GRID2: variants seen among roughly 807,000 people sequenced by gnomAD.
The protein encoded by GRID2 is glutamate ionotropic receptor delta type subunit 2.
A neutral mutation model predicts 114.8 loss-of-function variants in GRID2; 33 were observed. That is an observed-to-expected ratio of 0.29 (90% CI 0.22 to 0.38). The LOEUF (loss-of-function observed/expected upper bound fraction) is 0.38, where lower values mean the gene tolerates loss of function less well. Among genes scored for constraint, GRID2 ranks in the 10% least tolerant of loss-of-function variants. The pLI, the probability that GRID2 is intolerant of heterozygous loss-of-function variation, is 1.00. For synonymous variants in GRID2, 505 were observed against 449.9 expected (o/e 1.12, Z -1.55); for missense variants, 1,184 against 1,257.7 (o/e 0.94, Z 0.89).
At chr4:92,965,071 G>A (rs778152324) in intron 2 of GRID2, among the ~76,000 whole-genome samples, 33 of 151,868 alleles carry the variant, frequency 2.2e-4, no homozygotes, top group Non-Finnish European at 3.8e-4. Flanking sequence ...TGAGAGAGGT[G>A]GGACGCTTCC....
chr4:92,516,169 T>G (rs1394680299), intron 1 of GRID2, among the ~76,000 whole-genome samples: 2 of 151,932 alleles, frequency 1.3e-5, no homozygotes, highest in African/African-American at 4.8e-5. Flanking sequence ...TCAACTCAAC[T>G]AGCCCTAAAG....
At chr4:92,732,692 A>G (rs955265482) in intron 2 of GRID2, among the ~76,000 whole-genome samples, 3 of 152,104 alleles carry the variant, frequency 2.0e-5, no homozygotes, top group African/African-American at 7.2e-5. Flanking sequence ...TAGAATTAAC[A>G]TAGACATAGT....
At chr4:93,041,963 C>A (rs529982760) in intron 2 of GRID2, among the ~76,000 whole-genome samples, 2 of 151,988 alleles carry the variant, frequency 1.3e-5, no homozygotes, top group African/African-American at 4.8e-5. Flanking sequence ...AGTGCAATGG[C>A]GTGGTCTCGA....
In GRID2 at chr4:92,896,897, G is replaced by C. The variant is rs1205348894; in HGVS notation, c.245-188098G>C. ...AGCTGGGATTACAGGTATGTGCGAC[G>C]ACGCCCGGCTAATTTTGTATTTTTA... On this transcript the variant is annotated intron_variant, in intron 2 of 15. Transcript: ENST00000282020. 2.6e-5 allele frequency among the ~76,000 whole-genome samples: 4 copies of C among 152,068 alleles called. No homozygotes were observed. The South Asian group carries it at 8.3e-4, about 31-fold the overall frequency.
intron 1 of GRID2, among the ~76,000 whole-genome samples, chr4:93,785,848 G>C (rs1262989711): frequency 6.6e-6 from 1 of 152,156 alleles, no homozygotes; most frequent in Non-Finnish European, 1.5e-5. Context: ...AGGAAGGAAA[G>C]AGGTGGAAAG....
intron 8 of GRID2, among the ~76,000 whole-genome samples, chr4:93,278,066 T>G (rs1752247676): frequency 6.6e-6 from 1 of 151,910 alleles, no homozygotes; most frequent in Admixed American, 6.6e-5. Context: ...CAGATAAATT[T>G]GACTGGATTA....
intron 2 of GRID2, among the ~76,000 whole-genome samples, chr4:92,680,519 AG>A (rs1485812259): frequency 6.6e-6 from 1 of 152,164 alleles, no homozygotes; most frequent in East Asian, 1.9e-4. Context: ...AGTAAAAGAA[AG>A]GGGGTAATTT....
chr4:92,947,586 TA>T, intron 2 of GRID2, among the ~76,000 whole-genome samples: 1 of 152,102 alleles, frequency 6.6e-6, no homozygotes, highest in East Asian at 1.9e-4. Flanking sequence ...CTTTAACTTT[TA>T]AGAAATGTTA....
intron 2 of GRID2, among the ~76,000 whole-genome samples, chr4:92,924,480 A>T (rs1408400358): frequency 6.6e-6 from 1 of 152,066 alleles, no homozygotes; most frequent in Non-Finnish European, 1.5e-5. Context: ...AATCGTCACC[A>T]TTTCTGAAAT....
chr4:92,447,818 C>T (rs1450159686), intron 1 of GRID2, among the ~76,000 whole-genome samples: 1 of 152,144 alleles, frequency 6.6e-6, no homozygotes. Context: ...GTGATGAGGG[C>T]TCTGCCCTTG....
intron 1 of GRID2, among the ~76,000 whole-genome samples, chr4:92,305,522 TGCCTC>T (rs542945235): frequency 3.9e-5 from 6 of 152,076 alleles, no homozygotes; most frequent in South Asian, 4.1e-4. Context: ...ATATCCGCCT[TGCCTC>T]GCCTCGCCTC....
chr4:92,658,348 C>T (rs573854684), intron 2 of GRID2, among the ~76,000 whole-genome samples: 1 of 151,610 alleles, frequency 6.6e-6, no homozygotes, highest in South Asian at 2.1e-4. Context: ...AATGTGAATC[C>T]ACAGTATATA....
chr4:93,129,436 C>A (rs1436926494), intron 4 of GRID2, among the ~76,000 whole-genome samples: 3 of 152,188 alleles, frequency 2.0e-5, no homozygotes, highest in African/African-American at 7.2e-5. Context: ...TCTAGCATTT[C>A]TTTTCCCCTT....
rs182920071 is a variant in GRID2 at position 93,473,286 on chromosome 4, A to C, written c.1858+17312A>C. Among the ~76,000 whole-genome samples, 107 of 152,290 alleles carry C rather than the reference A, an allele frequency of 7.0e-4. 1 individual carries two copies. The East Asian group carries it at 0.019, about 27-fold the overall frequency. On this transcript the variant is annotated intron_variant, in intron 11 of 15. Transcript: ENST00000282020. ...TCTGAAGAAATTATCCTAGATATGC[A>C]GCTTCTGAGTTAAATGATATGTATG...
intron 13 of GRID2, among the ~76,000 whole-genome samples, chr4:93,607,993 C>T (rs1740439958): frequency 6.6e-6 from 1 of 151,088 alleles, no homozygotes; most frequent in Non-Finnish European, 1.5e-5. Context: ...TGTTTTTTCT[C>T]ATACAAAGCT....
intron 13 of GRID2, among the ~76,000 whole-genome samples, chr4:93,527,715 G>A (rs541058386): frequency 1.1e-4 from 17 of 152,028 alleles, no homozygotes; most frequent in African/African-American, 4.1e-4. Flanking sequence ...TAAAATACAT[G>A]TAACATAAAA....
intron 8 of GRID2, among the ~76,000 whole-genome samples, chr4:93,279,708 T>C (rs1752453670): frequency 6.6e-6 from 1 of 151,974 alleles, no homozygotes; most frequent in Admixed American, 6.6e-5. Context: ...ACTTTTTTTA[T>C]ATATCTTCAG....
chr4:93,377,954 A>T (rs1193927998), intron 8 of GRID2, among the ~76,000 whole-genome samples: 1 of 152,192 alleles, frequency 6.6e-6, no homozygotes, highest in South Asian at 2.1e-4. Flanking sequence ...TCTATATTTT[A>T]TAATTTCAAC....
chr4:93,014,635 A>G (rs1722502455), intron 2 of GRID2, among the ~76,000 whole-genome samples: 1 of 152,170 alleles, frequency 6.6e-6, no homozygotes, highest in Non-Finnish European at 1.5e-5. Flanking sequence ...TAATTTATGT[A>G]GTGGCCAATA....
Sources: gnomAD v4.1 joint callset for allele counts (sites outside exome capture counted in the v4.1 genomes callset) on GRCh38, gnomAD v4.1.1 for gene constraint, MANE v1.5 for transcripts, NCBI Gene and HGNC (gene_info 2026-07-23, HGNC 2026-07-21) for gene names.